Variants in SLC6A3 observed in about 807,000 individuals in gnomAD.
SLC6A3 encodes sodium-dependent dopamine transporter.
In SLC6A3, 19 loss-of-function variants were observed where a neutral mutation model predicts 70.4. The observed-to-expected ratio is 0.27, with a 90% CI of 0.19 to 0.40. The LOEUF is 0.40. Among genes scored for constraint, SLC6A3 ranks in the 10% least tolerant of loss-of-function variants. The pLI is 1.00. For missense variants in SLC6A3, 613 were observed against 838.5 expected, an observed-to-expected ratio of 0.73 and a Z score of 3.32; for synonymous variants, 368 against 356.6, an observed-to-expected ratio of 1.03 and a Z score of -0.36.
In SLC6A3 at chr5:1,406,099, C is replaced by T; in HGVS notation, c.1599+89G>A. ...CCCCTGACTCCAGCCACAGTGACAA[C>T]CCACATGCGGGCGCTGGACCTCGGG... On this transcript the variant is annotated intron_variant, in intron 12 of 14. Coordinates refer to ENST00000270349, the MANE Select transcript of SLC6A3 (RefSeq NM_001044.5). The surrounding 1 kb of genome is among the most constrained non-coding windows in gnomAD (Gnocchi z 8.8). The T allele has an allele frequency of 1.1e-6, 1 of 928,810 alleles. No homozygotes were observed. Among genetic ancestry groups the T allele is most frequent in the Non-Finnish European group, 1.8e-6 (1 of 559,352 alleles). 57.5% of individuals were successfully genotyped at this position (928,810 alleles called of 1,614,324 possible).
intron 3 of SLC6A3, among the ~76,000 whole-genome samples, chr5:1,439,877 A>G (rs1431142288): frequency 6.6e-6 from 1 of 152,160 alleles, no homozygotes; most frequent in Admixed American, 6.5e-5. Flanking sequence ...ATCAAATCCC[A>G]CTCTGCTCTG....
rs751595931 is a variant in SLC6A3, at chr5:1,432,629, G to A, written c.488C>T (p.Ala163Val). Residue 163 changes from alanine to valine, a missense_variant, in exon 4 of 15, where the codon GCG becomes GTG. Physicochemically the swap from Ala to Val is moderately conservative, Grantham distance 64. Transcript: ENST00000270349. The part of the protein sequence containing the change: ...GFFYNVIIAW[A>V]LHYLFSSFTT... ...GAAGGAGGAGAAGAGATAGTGCAGC[G>A]CCCAGGCGATGATGACGTTGTAGAA... The A allele has an allele frequency of 4.3e-6, 7 of 1,614,172 alleles. No homozygotes were observed. The highest frequency in any genetic ancestry group is 1.3e-5 in the African/African-American group (1 of 75,050).
In SLC6A3 at chr5:1,405,353, C is replaced by T. The variant is rs566750866; in HGVS notation, c.1599+835G>A. ...GTGTGCAGGTGACGAGGGGTCTCCA[C>T]GCACGCGGGCCCTGCTGACTCCGGG... is the stretch of plus-strand genomic sequence containing the variant. On this transcript the variant is annotated intron_variant, in intron 12 of 14. Transcript: ENST00000270349. The surrounding 1 kb of genome is among the most constrained non-coding windows in gnomAD (Gnocchi z 5.3). Among the ~76,000 whole-genome samples the T allele has an allele frequency of 3.3e-5, 5 of 152,336 alleles. No homozygotes were observed. The highest frequency in any genetic ancestry group is 1.9e-4 in the East Asian group (1 of 5,186).
chr5:1,441,873 A>G (rs1733677443), intron 2 of SLC6A3, among the ~76,000 whole-genome samples: 1 of 151,866 alleles, frequency 6.6e-6, no homozygotes, highest in African/African-American at 2.4e-5. Flanking sequence ...TGAGTTGTGA[A>G]TCTGTGACCC....
rs1755677492 is a variant in SLC6A3, at chr5:1,394,864, C to A, written c.1840-106G>T. ...AAGGCAGTGAGCAGACAGTTTGCAG[C>A]CTCCTGGCCATGTGCCCTGGGAGAA... On this transcript the variant is annotated intron_variant, in intron 14 of 14. Coordinates refer to ENST00000270349, the MANE Select transcript of SLC6A3 (RefSeq NM_001044.5). This position sits in a 1 kb window ranked among gnomAD's most constrained non-coding sequence, Gnocchi z 4.7. The A allele has an allele frequency of 8.0e-7, 1 of 1,253,652 alleles. No individual in the cohort carries two copies. Among genetic ancestry groups the A allele is most frequent in the South Asian group, 1.2e-5 (1 of 83,472 alleles). The allele number at this position is 1,253,652 out of a possible 1,614,324, so 77.7% of individuals were successfully genotyped here.
rs193134402 is a variant in SLC6A3, at chr5:1,407,990, G to A, written c.1498+1036C>T. On this transcript the variant is annotated intron_variant, in intron 11 of 14. Transcript: ENST00000270349. ...CACCACAGACATTCAGCTTTCAGCC[G>A]GATCCACACATTTTTTTTTTTCTTT... is the stretch of plus-strand genomic sequence containing the variant. Among the ~76,000 whole-genome samples, 10 of 143,860 alleles carry A rather than the reference G, an allele frequency of 7.0e-5. No individual in the cohort carries two copies. The East Asian group carries it at 1.6e-3, about 23-fold the overall frequency. 94.4% of individuals were successfully genotyped at this position (143,860 alleles called of 152,430 possible).
intron 7 of SLC6A3, 78 bp from the exon 8 acceptor site, chr5:1,414,893 T>C (rs1756245337): frequency 6.3e-7 from 1 of 1,589,804 alleles, no homozygotes; most frequent in Admixed American, 1.7e-5. Context: ...ATTCTTAATT[T>C]ACTGTGTCTG....
At chr5:1,444,249 C>T (rs1733747692) in intron 1 of SLC6A3, among the ~76,000 whole-genome samples, 1 of 152,154 alleles carries the variant, frequency 6.6e-6, no homozygotes, top group Admixed American at 6.5e-5. Context: ...CTACATAAAC[C>T]CCCCTGCAAC....
At position 1,437,546 on chromosome 5, in the gene SLC6A3, G is replaced by A. The variant is rs926694050; in HGVS notation, c.418+3813C>T. Among the ~76,000 whole-genome samples, 2 of 152,252 alleles carry A rather than the reference G, an allele frequency of 1.3e-5. No individual in the cohort carries two copies. The highest frequency in any genetic ancestry group is 4.8e-5 in the African/African-American group (2 of 41,476). ...CTCTCAGGACCCTGGGGTGCACTGC[G>A]GGGCTGAAGGCCCCAGAGGCCCCTC... On this transcript the variant is annotated intron_variant, in intron 3 of 14. Transcript: ENST00000270349. This position sits in a 1 kb window ranked among gnomAD's most constrained non-coding sequence, Gnocchi z 4.8.
intron 4 of SLC6A3, 56 bp from the exon 5 acceptor site, chr5:1,422,070 T>A (rs1203224878): frequency 2.5e-6 from 4 of 1,583,300 alleles, no homozygotes; most frequent in Non-Finnish European, 3.4e-6. Context: ...CACCTGGAAC[T>A]GGACGGCTGA....
chr5:1,403,931 C>T (rs1755910523), intron 12 of SLC6A3, among the ~76,000 whole-genome samples: 1 of 152,238 alleles, frequency 6.6e-6, no homozygotes, highest in South Asian at 2.1e-4. Flanking sequence ...ATGCACCTCA[C>T]ACCTGAATGT....
chr5:1,403,249 G>A (rs935624825), intron 12 of SLC6A3, among the ~76,000 whole-genome samples, 160 bp from the exon 13 acceptor site: 7 of 152,002 alleles, frequency 4.6e-5, no homozygotes, highest in South Asian at 2.1e-4. Context: ...TGGGCATCCC[G>A]GGCAAGCCAT....
In SLC6A3 at chr5:1,420,598, C is replaced by T. The variant is rs145782788; in HGVS notation, c.898G>A (p.Val300Ile). ...GCCTCGCAGAGCCGGTAGAAGTCAACGCTCAGGTATGCTCTGATGCCGTCT... is the reference window on the plus strand; with the variant it reads ...GCCTCGCAGAGCCGGTAGAAGTCAATGCTCAGGTATGCTCTGATGCCGTCT... ...AIDGIRAYLS[V>I]DFYRLCEASV... Residue 300 changes from valine (V) to isoleucine (I), a missense_variant, in exon 6 of 15, where the codon GTT (valine) becomes ATT (isoleucine). Val to Ile is a conservative substitution (Grantham distance 29). Around this residue, in one of 4 missense-constraint regions of SLC6A3, gnomAD observed 348 missense variants for 481.2 expected, o/e 0.72. Transcript: ENST00000270349. The T allele has an allele frequency of 1.7e-4, 278 of 1,613,432 alleles. No homozygotes were observed. Among genetic ancestry groups the T allele is most frequent in the Middle Eastern group, 3.3e-4 (2 of 6,084 alleles).
intron 1 of SLC6A3, among the ~76,000 whole-genome samples, chr5:1,444,819 G>A (rs963328251): frequency 6.6e-6 from 1 of 152,168 alleles, no homozygotes; most frequent in Non-Finnish European, 1.5e-5. Context: ...CTTCCTCACC[G>A]CGCCCAGAAC....
chr5:1,400,835 C>T, intron 14 of SLC6A3, 80 bp downstream of exon 14: 1 of 1,007,656 alleles, frequency 9.9e-7, no homozygotes, highest in Non-Finnish European at 1.5e-6. Flanking sequence ...AGCCTCGGAG[C>T]CCCCTGGGGG....
rs377700753 is a variant in SLC6A3 at position 1,406,350 on chromosome 5, C to A, written c.1499-62G>T. 1.0e-5 allele frequency: 14 copies of A among 1,376,760 alleles called. No individual in the cohort carries two copies. The highest frequency in any genetic ancestry group is 2.1e-6 in the Non-Finnish European group (2 of 964,886). 85.3% of individuals were successfully genotyped at this position (1,376,760 alleles called of 1,614,324 possible). On this transcript the variant is annotated intron_variant, in intron 11 of 14. Coordinates refer to ENST00000270349, the MANE Select transcript of SLC6A3 (RefSeq NM_001044.5). This position sits in a 1 kb window ranked among gnomAD's most constrained non-coding sequence, Gnocchi z 8.8. ...CAGCGCATTCCCCCGATGCTGGACA[C>A]GTGTGGGGGTCCTCGCTGACTCCCA...
Position 1,420,665 on chromosome 5 carries a change from G to C in SLC6A3, c.831C>G (p.Leu277=). The C allele has an allele frequency of 6.2e-7, 1 of 1,613,642 alleles. No individual in the cohort carries two copies. The highest frequency in any genetic ancestry group is 8.5e-7 in the Non-Finnish European group (1 of 1,179,946). The part of the protein sequence containing the change: ...WITATMPYVV[L]TALLLRGVTL... Reference sequence around the variant, plus strand: ...TGACCCCACGCAGGAGCAGGGCAGTGAGGACCACGTATGGCATGGTGGCTG... The same window carrying C: ...TGACCCCACGCAGGAGCAGGGCAGTCAGGACCACGTATGGCATGGTGGCTG... The change falls in exon 6 of 15, where the codon CTC becomes CTG. Residue 277 remains leucine (L), a synonymous_variant. Transcript: ENST00000270349.
At position 1,393,096 on chromosome 5, in the gene SLC6A3, GC is replaced by G. The variant is rs1304340643; in HGVS notation, c.*1638del. ...AGGCAATGGGGAAGCCATCCTCTGT[GC>G]TAACTGCAGCTGCCTGGCAGTTCAC... On this transcript the variant is annotated 3_prime_UTR_variant, in exon 15 of 15. Coordinates refer to ENST00000270349, the MANE Select transcript of SLC6A3 (RefSeq NM_001044.5). 6.6e-6 allele frequency: 1 copy of G among 152,190 alleles called. No individual in the cohort carries two copies. Among genetic ancestry groups the G allele is most frequent in the African/African-American group, 2.4e-5 (1 of 41,402 alleles). 9.4% of individuals were successfully genotyped at this position (152,190 alleles called of 1,614,324 possible). A position where few individuals can be genotyped will look rare whatever the true frequency, so the allele number is the denominator to read the frequency against.
intron 12 of SLC6A3, 141 bp from the exon 13 acceptor site, chr5:1,403,230 CA>C: frequency 1.1e-6 from 1 of 948,980 alleles, no homozygotes; most frequent in East Asian, 2.6e-5. Context: ...GGCCTGCAGA[CA>C]TGGCAGCTGG....
Sources: gnomAD v4.1 joint callset for allele counts (sites outside exome capture counted in the v4.1 genomes callset) on GRCh38, gnomAD v4.1.1 for gene constraint, gnomAD v4.1.1 regional missense constraint, Gnocchi (gnomAD v3.1) non-coding constraint, MANE v1.5 for transcripts, NCBI Gene and HGNC (gene_info 2026-07-23, HGNC 2026-07-21) for gene names.